The following TCF12 variants were observed in gnomAD, a reference collection of about 807,000 sequenced individuals.
The protein encoded by TCF12 is transcription factor 12.
Under a neutral mutation model 86.0 loss-of-function variants are expected in TCF12, and 45 were observed. The observed-to-expected ratio is 0.52, with a 90% CI of 0.41 to 0.67. The LOEUF (loss-of-function observed/expected upper bound fraction) is 0.67. Ranked by LOEUF, TCF12 falls within the 30% of genes least tolerant of loss-of-function variation. The pLI, the probability that TCF12 is intolerant of heterozygous loss-of-function variation, is 0.00. For synonymous variants in TCF12, 330 were observed against 299.6 expected, an observed-to-expected ratio of 1.10 and a Z score of -1.05; for missense variants, 881 against 859.9, an observed-to-expected ratio of 1.02 and a Z score of -0.31.
chr15:57,091,207 A>G (rs1185932882), intron 4 of TCF12, among the ~76,000 whole-genome samples: 1 of 152,180 alleles, frequency 6.6e-6, no homozygotes, highest in Non-Finnish European at 1.5e-5. Context: ...ATGAGTATAA[A>G]CAGACCTTTT....
chr15:57,103,013 G>A (rs553966628), intron 5 of TCF12, among the ~76,000 whole-genome samples: 62 of 152,160 alleles, frequency 4.1e-4, no homozygotes, highest in Non-Finnish European at 5.4e-4. Flanking sequence ...GGGCAGTCGC[G>A]TCTCTATTGA....
At chr15:57,219,301 A>G (rs1230805802) in intron 8 of TCF12, 3 of 1,224,738 alleles carry the variant, frequency 2.4e-6, no homozygotes, top group Non-Finnish European at 3.1e-6. Flanking sequence ...ATCCTCCACC[A>G]ATGCAAGGAC....
Position 57,080,466 on chromosome 15 carries a change from C to A in TCF12, c.223-11323C>A, listed in dbSNP as rs576687552. ...GATAATCACTGTTGATTTCAGAGAT[C>A]TAGGAATTGAGGAAGGGGATAATAG... On this transcript the variant is annotated intron_variant, in intron 4 of 20. Coordinates refer to ENST00000333725, the MANE Select transcript of TCF12 (RefSeq NM_207037.2). Among the ~76,000 whole-genome samples, 189 of 152,236 alleles carry A rather than the reference C, an allele frequency of 1.2e-3. 1 individual carries two copies. In the Middle Eastern group the frequency reaches 0.017, roughly 14 times the overall value.
In TCF12 at chr15:57,231,401, T is replaced by A. The variant is rs2059133331; in HGVS notation, c.685+144T>A. The A allele has an allele frequency of 4.9e-6, 3 of 615,982 alleles. No homozygotes were observed. In the East Asian group the frequency reaches 8.3e-5, roughly 17 times the overall value. 38.2% of individuals were successfully genotyped at this position (615,982 alleles called of 1,614,324 possible). A position where few individuals can be genotyped will look rare whatever the true frequency, so the allele number is the denominator to read the frequency against. On this transcript the variant is annotated intron_variant, in intron 9 of 20. Coordinates refer to ENST00000333725, the MANE Select transcript of TCF12 (RefSeq NM_207037.2). The stretch of plus-strand genomic sequence containing the variant: ...CTAAATTAAAATTTAGCTTTATAAT[T>A]TTCCAGTGGTGTTTATTGCTGACTG...
At chr15:56,995,660 T>C (rs772877193) in intron 3 of TCF12, among the ~76,000 whole-genome samples, 7 of 152,116 alleles carry the variant, frequency 4.6e-5, no homozygotes, top group Admixed American at 1.3e-4. Flanking sequence ...TGAAACTTTA[T>C]TGTAGTTGCC....
At chr15:57,176,544 G>C (rs557895325) in intron 6 of TCF12, among the ~76,000 whole-genome samples, 21 of 152,154 alleles carry the variant, frequency 1.4e-4, no homozygotes, top group Non-Finnish European at 2.5e-4. Context: ...ATACTCAAGT[G>C]GTGATATTGT....
At chr15:57,127,923 T>A (rs1232085672) in intron 5 of TCF12, among the ~76,000 whole-genome samples, 2 of 152,216 alleles carry the variant, frequency 1.3e-5, no homozygotes, top group Non-Finnish European at 1.5e-5. Flanking sequence ...GACATCGGAA[T>A]ATCTAATTCT....
intron 5 of TCF12, among the ~76,000 whole-genome samples, chr15:57,153,052 A>G (rs1297952673): frequency 6.6e-6 from 1 of 152,246 alleles, no homozygotes; most frequent in Non-Finnish European, 1.5e-5. Flanking sequence ...ATGTATTACA[A>G]TTTTTAAAAC....
intron 12 of TCF12, among the ~76,000 whole-genome samples, chr15:57,236,720 T>G (rs1226429037): frequency 6.6e-6 from 1 of 152,136 alleles, no homozygotes. Flanking sequence ...TTCCTTTATT[T>G]TAGGTTTAAG....
intron 5 of TCF12, among the ~76,000 whole-genome samples, chr15:57,137,649 T>C (rs1471892921): frequency 6.6e-5 from 10 of 152,192 alleles, no homozygotes; most frequent in African/African-American, 2.4e-4. Flanking sequence ...TTTTCACTTG[T>C]AGAGTGTAAT....
intron 3 of TCF12, among the ~76,000 whole-genome samples, chr15:57,048,548 G>A (rs550217156): frequency 3.7e-4 from 56 of 152,150 alleles, no homozygotes; most frequent in Non-Finnish European, 7.2e-4. Flanking sequence ...GGTGTGAGCC[G>A]CTGCACCCAG....
intron 3 of TCF12, among the ~76,000 whole-genome samples, chr15:56,946,714 T>C (rs2061013005): frequency 6.6e-6 from 1 of 152,106 alleles, no homozygotes; most frequent in Non-Finnish European, 1.5e-5. Context: ...AAGGCTTTTT[T>C]TCTGGCAGGA....
In TCF12 at chr15:57,028,175, G is replaced by A. The variant is rs542143580; in HGVS notation, c.149-35575G>A. Among the ~76,000 whole-genome samples the A allele has an allele frequency of 1.6e-4, 25 of 152,092 alleles. No individual in the cohort carries two copies. In the South Asian group the frequency reaches 2.1e-3, roughly 13 times the overall value. Reference sequence around the variant, plus strand: ...TAGAGACGGGGTTTCGCCATGTTGGGCAGGCTGGTCTTGAACTCCTGACCT... The same window carrying A: ...TAGAGACGGGGTTTCGCCATGTTGGACAGGCTGGTCTTGAACTCCTGACCT... On this transcript the variant is annotated intron_variant, in intron 3 of 20. Coordinates refer to ENST00000333725, the MANE Select transcript of TCF12 (RefSeq NM_207037.2).
intron 5 of TCF12, among the ~76,000 whole-genome samples, chr15:57,102,262 A>G (rs1293344260): frequency 2.0e-5 from 3 of 152,216 alleles, no homozygotes; most frequent in Non-Finnish European, 4.4e-5. Context: ...TAACAAAAAT[A>G]CTTGAAATAG....
chr15:56,931,311 C>T (rs1466080470), intron 3 of TCF12, among the ~76,000 whole-genome samples: 2 of 152,110 alleles, frequency 1.3e-5, no homozygotes, highest in Non-Finnish European at 1.5e-5. Context: ...GAGAAGCTTT[C>T]TCATCTTTTG....
At chr15:57,159,140 G>A (rs2054319563) in intron 5 of TCF12, among the ~76,000 whole-genome samples, 1 of 152,140 alleles carries the variant, frequency 6.6e-6, no homozygotes, top group South Asian at 2.1e-4. Context: ...AACTGTGCAG[G>A]GTCTGTGTGA....
chr15:56,958,027 C>G (rs2061570973), intron 3 of TCF12, among the ~76,000 whole-genome samples: 1 of 152,148 alleles, frequency 6.6e-6, no homozygotes, highest in African/African-American at 2.4e-5. Context: ...TATTACTGGC[C>G]TTGTGTGAAT....
chr15:57,189,587 A>G (rs370377670), intron 6 of TCF12, among the ~76,000 whole-genome samples: 8 of 152,172 alleles, frequency 5.3e-5, no homozygotes, highest in African/African-American at 1.9e-4. Context: ...AAGCAAACAG[A>G]AACTAGGCAA....
At chr15:56,951,235 G>A (rs1449682657) in intron 3 of TCF12, among the ~76,000 whole-genome samples, 2 of 151,974 alleles carry the variant, frequency 1.3e-5, no homozygotes, top group African/African-American at 2.4e-5. Flanking sequence ...TTTAATTTTA[G>A]CCATTAGAAT....
Sources: gnomAD v4.1 joint callset for allele counts (sites outside exome capture counted in the v4.1 genomes callset) on GRCh38, gnomAD v4.1.1 for gene constraint, MANE v1.5 for transcripts, NCBI Gene and HGNC (gene_info 2026-07-23, HGNC 2026-07-21) for gene names.